Variants in CACNB2 observed in about 807,000 individuals in gnomAD.
CACNB2 encodes the protein calcium voltage-gated channel auxiliary subunit beta 2, also known as voltage-dependent L-type calcium channel subunit beta-2.
CACNB2 carries 42 observed loss-of-function variants against 73.3 expected under a neutral mutation model. The ratio of observed to expected loss-of-function variants is 0.57; its 90% CI spans 0.45 to 0.74. CACNB2 has a LOEUF of 0.74. Among genes scored for constraint, CACNB2 ranks in the 30% least tolerant of loss-of-function variants. The pLI, the probability that CACNB2 is intolerant of heterozygous loss-of-function variation, is 0.00. For synonymous variants in CACNB2, 348 were observed against 310.3 expected, an observed-to-expected ratio of 1.12 and a Z score of -1.28; for missense variants, 940 against 853.0, an observed-to-expected ratio of 1.10 and a Z score of -1.27.
chr10:18,177,376 T>C (rs2033655326), intron 2 of CACNB2, among the ~76,000 whole-genome samples: 1 of 151,544 alleles, frequency 6.6e-6, no homozygotes, highest in African/African-American at 2.4e-5. Flanking sequence ...TCCCAGCACT[T>C]TGGGAGGCCA....
intron 12 of CACNB2, among the ~76,000 whole-genome samples, chr10:18,537,037 T>A (rs575340518): frequency 4.6e-5 from 7 of 152,074 alleles, no homozygotes; most frequent in Non-Finnish European, 1.0e-4. Flanking sequence ...CAGGCAGGAG[T>A]GCAGTGGTGG....
chr10:18,291,062 C>A (rs1184038522), intron 2 of CACNB2, among the ~76,000 whole-genome samples: 1 of 152,196 alleles, frequency 6.6e-6, no homozygotes, highest in Non-Finnish European at 1.5e-5. Flanking sequence ...GTTTCATCAA[C>A]AACAGGTGCG....
chr10:18,154,128 G>T (rs1295792496), intron 2 of CACNB2, among the ~76,000 whole-genome samples: 1 of 151,668 alleles, frequency 6.6e-6, no homozygotes, highest in Non-Finnish European at 1.5e-5. Context: ...AAAAACCTTA[G>T]AATTTTATTG....
At position 18,318,922 on chromosome 10, in the gene CACNB2, G is replaced by A. The variant is rs567064074; in HGVS notation, c.214-83002G>A. Among the ~76,000 whole-genome samples the A allele has an allele frequency of 4.6e-5, 7 of 152,310 alleles. 1 individual carries two copies. The East Asian group carries it at 1.4e-3, about 29-fold the overall frequency. On this transcript the variant is annotated intron_variant, in intron 2 of 13. Coordinates refer to ENST00000324631, the MANE Select transcript of CACNB2 (RefSeq NM_201596.3). Reference sequence around the variant, plus strand: ...ATACCATCTCACATCAGTCAGAATGGTGATTATTAAAAAGTCAGGAAACAA... The same window carrying A: ...ATACCATCTCACATCAGTCAGAATGATGATTATTAAAAAGTCAGGAAACAA...
chr10:18,428,091 T>C (rs1317876632), intron 3 of CACNB2, among the ~76,000 whole-genome samples: 1 of 152,158 alleles, frequency 6.6e-6, no homozygotes, highest in Non-Finnish European at 1.5e-5. Context: ...ATTTTGATTT[T>C]TTTATTGGGA....
intron 13 of CACNB2, 59 bp from the exon 14 acceptor site, chr10:18,539,171 G>A (rs2053898819): frequency 1.9e-5 from 31 of 1,609,608 alleles, no homozygotes; most frequent in Non-Finnish European, 2.5e-5. Flanking sequence ...ACTTGCTCTG[G>A]GACATGTTCT....
intron 2 of CACNB2, among the ~76,000 whole-genome samples, chr10:18,235,723 A>G (rs36055159): frequency 0.21 from 31,186 of 151,988 alleles, 3,935 homozygotes; most frequent in Non-Finnish European, 0.29. Flanking sequence ...GCTGCCCTAG[A>G]GCTTTGACTG....
chr10:18,266,945 G>A (rs954714846), intron 2 of CACNB2, among the ~76,000 whole-genome samples: 1 of 152,076 alleles, frequency 6.6e-6, no homozygotes, highest in Non-Finnish European at 1.5e-5. Context: ...AAATATATTT[G>A]CACAGTAAAT....
intron 2 of CACNB2, among the ~76,000 whole-genome samples, chr10:18,374,664 T>C (rs1027346396): frequency 1.3e-5 from 2 of 152,336 alleles, no homozygotes; most frequent in African/African-American, 4.8e-5. Flanking sequence ...AGGCTTTTTG[T>C]ATTCTCCACA....
At chr10:18,525,117 G>A (rs1434815529) in intron 9 of CACNB2, among the ~76,000 whole-genome samples, 1 of 151,330 alleles carries the variant, frequency 6.6e-6, no homozygotes, top group Non-Finnish European at 1.5e-5. Flanking sequence ...TATGGAGCCA[G>A]CCAAAATTAA....
At chr10:18,424,970 A>G (rs944890812) in intron 3 of CACNB2, among the ~76,000 whole-genome samples, 4 of 152,224 alleles carry the variant, frequency 2.6e-5, no homozygotes, top group African/African-American at 9.6e-5. Flanking sequence ...TATGTTAATT[A>G]GCAGTGGAAT....
At chr10:18,322,078 C>T (rs181317590) in intron 2 of CACNB2, among the ~76,000 whole-genome samples, 2 of 152,176 alleles carry the variant, frequency 1.3e-5, no homozygotes, top group East Asian at 3.9e-4. Context: ...ATCTCTTGAG[C>T]CCAGGAGTTG....
rs1206414673 is a variant in CACNB2 at position 18,225,609 on chromosome 10, CGTCG to C, written c.213+74635_213+74638del. Among the ~76,000 whole-genome samples, 5 of 134,386 alleles carry C rather than the reference CGTCG, an allele frequency of 3.7e-5. No homozygotes were observed. In the Admixed American group the frequency reaches 4.1e-4, roughly 11 times the overall value. The allele number at this position is 134,386 out of a possible 152,430, so 88.2% of individuals were successfully genotyped here. On this transcript the variant is annotated intron_variant, in intron 2 of 13. Coordinates refer to ENST00000324631, the MANE Select transcript of CACNB2 (RefSeq NM_201596.3). ...CCTTCCTTCCTTCCTTCCTTTCTTC[CGTCG>C]TTTCTTCCTTCCTTCCTTTCTTTCT...
chr10:18,442,999 T>C (rs1316661099), intron 3 of CACNB2, among the ~76,000 whole-genome samples: 8 of 12,860 alleles, frequency 6.2e-4, no homozygotes, highest in Non-Finnish European at 9.8e-4. Flanking sequence ...TATATATATG[T>C]GTATATATAT....
At chr10:18,520,398 C>T (rs151141800) in intron 9 of CACNB2, among the ~76,000 whole-genome samples, 7 of 152,186 alleles carry the variant, frequency 4.6e-5, no homozygotes, top group African/African-American at 1.7e-4. Context: ...CCTTCTCACA[C>T]ATCCTCTGCC....
intron 2 of CACNB2, among the ~76,000 whole-genome samples, chr10:18,183,610 C>T (rs762091958): frequency 1.3e-5 from 2 of 152,112 alleles, no homozygotes; most frequent in Non-Finnish European, 2.9e-5. Context: ...GAGACTTATT[C>T]AGTGTCATGA....
chr10:18,267,288 C>G (rs186447283), intron 2 of CACNB2, among the ~76,000 whole-genome samples: 1 of 152,166 alleles, frequency 6.6e-6, no homozygotes, highest in East Asian at 1.9e-4. Context: ...TTATAAACCT[C>G]ACTACATAAT....
chr10:18,506,235 T>C (rs980628634), intron 5 of CACNB2, among the ~76,000 whole-genome samples: 3 of 152,228 alleles, frequency 2.0e-5, no homozygotes, highest in Admixed American at 2.0e-4. Flanking sequence ...ACACTGGTTC[T>C]CTTCCATTCT....
chr10:18,145,983 C>G (rs79825106), intron 1 of CACNB2, among the ~76,000 whole-genome samples: 7,154 of 152,168 alleles, frequency 0.047, 217 homozygotes, highest in Middle Eastern at 0.11. Flanking sequence ...CCTCCTGTAC[C>G]TGCTAGACAC....
Sources: gnomAD v4.1 joint callset for allele counts (sites outside exome capture counted in the v4.1 genomes callset) on GRCh38, gnomAD v4.1.1 for gene constraint, MANE v1.5 for transcripts, NCBI Gene and HGNC (gene_info 2026-07-23, HGNC 2026-07-21) for gene names.